Variants in PRKD3 observed in about 807,000 individuals in gnomAD.
PRKD3 encodes the protein protein kinase D3, also known as serine/threonine-protein kinase D3.
A neutral mutation model predicts 99.2 loss-of-function variants in PRKD3; 47 were observed. The ratio of observed to expected loss-of-function variants is 0.47; its 90% CI spans 0.38 to 0.60. The LOEUF (loss-of-function observed/expected upper bound fraction) is 0.60, where lower values mean the gene tolerates loss of function less well. PRKD3 is among the 20% of genes least tolerant of loss of function. The pLI is 0.00. For synonymous variants in PRKD3, 392 were observed against 355.4 expected (o/e 1.10, Z -1.16); for missense variants, 1,019 against 1,088.4 (o/e 0.94, Z 0.90).
intron 8 of PRKD3, chr2:37,279,257 G>A (rs1669723722): frequency 6.6e-6 from 1 of 152,248 alleles, no homozygotes; most frequent in Non-Finnish European, 1.5e-5. Flanking sequence ...CAGTCTAATA[G>A]TATTTTTACA....
chr2:37,267,388 C>T, intron 14 of PRKD3, 42 bp downstream of exon 14: 1 of 1,312,906 alleles, frequency 7.6e-7, no homozygotes, highest in Non-Finnish European at 1.1e-6. Context: ...CAGATTCTTA[C>T]CAGCCTCTTT....
chr2:37,289,519 C>T lies in PRKD3; in HGVS notation c.560-6G>A, dbSNP rs961232778. On this transcript the variant is annotated splice_region_variant and splice_polypyrimidine_tract_variant and intron_variant, in intron 4 of 18. Transcript: ENST00000234179. ...ATGGTAATTTAATCCACAGCCTAAA[C>T]ATATTTTACAAGGTAAAATATAAGA... The T allele has an allele frequency of 1.9e-6, 3 of 1,600,422 alleles. No homozygotes were observed. The highest frequency in any genetic ancestry group is 2.6e-6 in the Non-Finnish European group (3 of 1,172,666).
intron 4 of PRKD3, 93 bp from the exon 5 acceptor site, chr2:37,289,606 A>G (rs934849499): frequency 6.3e-6 from 7 of 1,102,818 alleles, no homozygotes; most frequent in Middle Eastern, 6.2e-4. Context: ...TTTATTTAAC[A>G]TATTTTCTGT....
intron 9 of PRKD3, among the ~76,000 whole-genome samples, chr2:37,276,774 G>A (rs1669588341): frequency 6.7e-6 from 1 of 150,350 alleles, no homozygotes; most frequent in East Asian, 1.9e-4. Flanking sequence ...AGTATGAGGT[G>A]TGTGTATATA....
rs546451780 is a variant in PRKD3, at chr2:37,287,107, G to A, written c.718-738C>T. On this transcript the variant is annotated intron_variant, in intron 5 of 18. Transcript: ENST00000234179. ...TAGCCAGGCGTGGGGGTGCATGCCTGTAATCCCAGCTACTCGGGAGGCTGA... is the reference window on the plus strand; with the variant it reads ...TAGCCAGGCGTGGGGGTGCATGCCTATAATCCCAGCTACTCGGGAGGCTGA... Among the ~76,000 whole-genome samples, 422 of 151,828 alleles carry A rather than the reference G, an allele frequency of 2.8e-3. 2 individuals are homozygous for A. Among genetic ancestry groups the A allele is most frequent in the African/African-American group, 9.7e-3 (404 of 41,436 alleles).
At position 37,256,706 on chromosome 2, in the gene PRKD3, G is replaced by A. The variant is rs1235646184; in HGVS notation, c.2369C>T (p.Ala790Val). The change falls in exon 17 of 19, where the codon GCA becomes GTA. Residue 790 changes from alanine to valine, a missense_variant. By Grantham distance (64) the Ala-to-Val change is moderately conservative. Transcript: ENST00000234179. ...CCATGGATTTGGTGGGTACATAAAT[G>A]CAGCATTTTGGATTTGGTCATTTAT... Reference protein sequence around the residue: ...EDINDQIQNAAFMYPPNPWRE... With the variant: ...EDINDQIQNAVFMYPPNPWRE... The A allele has an allele frequency of 6.4e-7, 1 of 1,568,596 alleles. No individual in the cohort carries two copies. The highest frequency in any genetic ancestry group is 1.5e-5 in the African/African-American group (1 of 68,492).
chr2:37,270,005 A>AT (rs1397871110), intron 12 of PRKD3, among the ~76,000 whole-genome samples: 2 of 152,184 alleles, frequency 1.3e-5, no homozygotes, highest in Non-Finnish European at 2.9e-5. Context: ...AGGCAGGTGG[A>AT]TCACCTGAGG....
intron 2 of PRKD3, among the ~76,000 whole-genome samples, chr2:37,308,947 TTC>T (rs1558577090): frequency 6.6e-6 from 1 of 152,164 alleles, no homozygotes; most frequent in Non-Finnish European, 1.5e-5. Context: ...TAGGTTTTTC[TTC>T]TCTTTCTCTC....
chr2:37,269,488 A>G lies in PRKD3; in HGVS notation c.1777+127T>C, dbSNP rs549847170. 116 of 741,672 alleles carry G rather than the reference A, an allele frequency of 1.6e-4. 1 individual carries two copies. The South Asian group carries it at 1.8e-3, about 11-fold the overall frequency. 45.9% of individuals were successfully genotyped at this position (741,672 alleles called of 1,614,324 possible). A position where few individuals can be genotyped will look rare whatever the true frequency, so the allele number is the denominator to read the frequency against. ...AGTGAGAAGGATTTAGCTGAAAGAT[A>G]ACAAGTCAGCCTTTAAAAAAAAGGC... On this transcript the variant is annotated intron_variant, in intron 13 of 18. Transcript: ENST00000234179.
chr2:37,267,540 T>A lies in PRKD3; in HGVS notation c.1778-4A>T, dbSNP rs772792510. ...CTCCCAGTCTTTCTATGTTTTCCTA[T>A]TAAGAAAAAAAGAAGAGGAACGAAT... On this transcript the variant is annotated splice_polypyrimidine_tract_variant and splice_region_variant and intron_variant, in intron 13 of 18. Coordinates refer to ENST00000234179, the MANE Select transcript of PRKD3 (RefSeq NM_005813.6). The A allele has an allele frequency of 1.3e-6, 2 of 1,590,396 alleles. No homozygotes were observed. Among genetic ancestry groups the A allele is most frequent in the Admixed American group, 3.4e-5 (2 of 58,404 alleles).
chr2:37,323,630 T>A (rs1015002206), intron 1 of PRKD3, among the ~76,000 whole-genome samples: 3 of 151,750 alleles, frequency 2.0e-5, no homozygotes, highest in African/African-American at 7.3e-5. Flanking sequence ...CTAAGGAAAA[T>A]GAAAATCGCT....
Position 37,255,862 on chromosome 2 carries a change from C to T in PRKD3, c.2413+800G>A, listed in dbSNP as rs537770803. ...CTCTACAAAAAATTTAAAAATTAGC[C>T]AGGTGTGGGTGGCCCATGGTGCATA... is the stretch of plus-strand genomic sequence containing the variant. On this transcript the variant is annotated intron_variant, in intron 17 of 18. Coordinates refer to ENST00000234179, the MANE Select transcript of PRKD3 (RefSeq NM_005813.6). Among the ~76,000 whole-genome samples the T allele has an allele frequency of 9.9e-5, 15 of 151,996 alleles. No individual in the cohort carries two copies. In the South Asian group the frequency reaches 2.1e-3, roughly 21 times the overall value.
Position 37,253,428 on chromosome 2 carries a change from T to TG in PRKD3, c.2500-79_2500-78insC, listed in dbSNP as rs368008803. ...ACCTGGTTTTTGTTTTGTGTTTTTT[T>TG]TTGTTGTTGTTTAGTGCCCTAGTCA... On this transcript the variant is annotated intron_variant, in intron 18 of 18. Transcript: ENST00000234179. 116 of 1,312,134 alleles carry TG rather than the reference T, an allele frequency of 8.8e-5. 1 individual carries two copies. The African/African-American group carries it at 1.4e-3, about 16-fold the overall frequency. The allele number at this position is 1,312,134 out of a possible 1,614,324, so 81.3% of individuals were successfully genotyped here.
chr2:37,287,974 T>A, intron 5 of PRKD3, among the ~76,000 whole-genome samples: 1 of 152,226 alleles, frequency 6.6e-6, no homozygotes, highest in East Asian at 1.9e-4. Context: ...CTACAAGTTC[T>A]ACTTGTTTAA....
Position 37,286,265 on chromosome 2 carries a change from A to G in PRKD3, c.822T>C (p.Phe274=), listed in dbSNP as rs187587812. Reference sequence around the variant, plus strand: ...TGGGACGGGTGTAAGAGTGAACAGCAAATGTGTGTGGAACTTTCACTCTGC... The same window carrying G: ...TGGGACGGGTGTAAGAGTGAACAGCGAATGTGTGTGGAACTTTCACTCTGC... ...VMCRVKVPHT[F]AVHSYTRPTI... The change falls in exon 6 of 19, where the codon TTT becomes TTC. Residue 274 remains phenylalanine, a synonymous_variant. Coordinates refer to ENST00000234179, the MANE Select transcript of PRKD3 (RefSeq NM_005813.6). 2 of 1,614,014 alleles carry G rather than the reference A, an allele frequency of 1.2e-6. No individual in the cohort carries two copies. Among genetic ancestry groups the G allele is most frequent in the African/African-American group, 2.7e-5 (2 of 74,920 alleles).
At chr2:37,265,748 A>T (rs183613435) in intron 14 of PRKD3, among the ~76,000 whole-genome samples, 23 of 152,354 alleles carry the variant, frequency 1.5e-4, no homozygotes, top group South Asian at 4.1e-4. Flanking sequence ...GTATGAAAAT[A>T]GCATAGAGAC....
intron 1 of PRKD3, 129 bp from the exon 2 acceptor site, chr2:37,317,308 G>A (rs1028089175): frequency 3.6e-6 from 1 of 281,486 alleles, no homozygotes; most frequent in Non-Finnish European, 5.4e-6. Flanking sequence ...AAATCCTAAT[G>A]GGTAGCAATT....
chr2:37,257,745 T>G lies in PRKD3; in HGVS notation c.2146-816A>C, dbSNP rs1572607798. 2.0e-5 allele frequency among the ~76,000 whole-genome samples: 3 copies of G among 152,038 alleles called. No individual in the cohort carries two copies. In the East Asian group the frequency reaches 5.8e-4, roughly 29 times the overall value. On this transcript the variant is annotated intron_variant, in intron 16 of 18. Coordinates refer to ENST00000234179, the MANE Select transcript of PRKD3 (RefSeq NM_005813.6). ...GTTTTGCTTAATCCTAGAATCTCTTTTCCTAAGGATGTTATAAACTGGCAA... is the reference window on the plus strand; with the variant it reads ...GTTTTGCTTAATCCTAGAATCTCTTGTCCTAAGGATGTTATAAACTGGCAA...
At chr2:37,286,069 A>G (rs1670080539) in intron 6 of PRKD3, 108 bp downstream of exon 6, 1 of 970,430 alleles carries the variant, frequency 1.0e-6, no homozygotes, top group Admixed American at 3.0e-5. Context: ...TATAACAATT[A>G]TGAGAATAAT....
Sources: allele counts gnomAD v4.1 joint callset (sites outside exome capture counted in the v4.1 genomes callset), GRCh38; gene constraint gnomAD v4.1.1; transcripts MANE v1.5; gene names NCBI Gene and HGNC (gene_info 2026-07-23, HGNC 2026-07-21).